GRM5: variants seen among roughly 807,000 people sequenced by gnomAD.
GRM5 encodes metabotropic glutamate receptor 5.
In GRM5, 19 loss-of-function variants were observed where a neutral mutation model predicts 83.1. The observed-to-expected ratio is 0.23, with a 90% CI of 0.16 to 0.34. GRM5 has a LOEUF of 0.34. Ranked by LOEUF, GRM5 falls within the 10% of genes least tolerant of loss-of-function variation. GRM5 has a pLI of 1.00. For missense variants in GRM5, 1,160 were observed against 1,588.3 expected, an observed-to-expected ratio of 0.73 and a Z score of 4.58; for synonymous variants, 675 against 633.6, an observed-to-expected ratio of 1.07 and a Z score of -0.98.
chr11:88,926,934 A>G (rs1342170624), intron 2 of GRM5, among the ~76,000 whole-genome samples: 1 of 152,180 alleles, frequency 6.6e-6, no homozygotes, highest in Non-Finnish European at 1.5e-5. Flanking sequence ...ATTATATTTC[A>G]ACTATTTAAC....
intron 3 of GRM5, among the ~76,000 whole-genome samples, chr11:88,703,853 C>A (rs1846443): frequency 0.79 from 120,143 of 151,990 alleles, 51,072 homozygotes; most frequent in Non-Finnish European, 0.96. Flanking sequence ...ATTCATGTGC[C>A]TCAACCTCAT....
At chr11:88,510,028 A>T (rs1445161929) in intron 9 of GRM5, among the ~76,000 whole-genome samples, 2 of 152,184 alleles carry the variant, frequency 1.3e-5, no homozygotes. Flanking sequence ...TTCCGCCTTT[A>T]TTCTGGAAGT....
intron 3 of GRM5, among the ~76,000 whole-genome samples, chr11:88,712,286 G>T (rs1179158234): frequency 6.6e-6 from 1 of 151,910 alleles, no homozygotes; most frequent in Non-Finnish European, 1.5e-5. Context: ...TTCTGAAGTA[G>T]CCCCGTCTCC....
chr11:88,795,251 G>A (rs1017074214), intron 3 of GRM5, among the ~76,000 whole-genome samples: 1 of 152,200 alleles, frequency 6.6e-6, no homozygotes, highest in African/African-American at 2.4e-5. Context: ...CAGGCAACTT[G>A]GCCAAAGTTG....
intron 3 of GRM5, among the ~76,000 whole-genome samples, chr11:88,764,392 C>T (rs1055219897): frequency 6.6e-6 from 1 of 151,576 alleles, no homozygotes; most frequent in African/African-American, 2.4e-5. Context: ...CCAAACAACA[C>T]AACATAGACA....
At chr11:89,060,268 A>G (rs973777217) in intron 1 of GRM5, among the ~76,000 whole-genome samples, 2 of 25,250 alleles carry the variant, frequency 7.9e-5, no homozygotes, top group African/African-American at 1.7e-4. Flanking sequence ...GGTAAATGGT[A>G]TATATATATA....
rs1174580946 is a variant in GRM5, at chr11:88,504,844, C to T, written c.*3748G>A. 1 of 152,070 alleles carries T rather than the reference C, an allele frequency of 6.6e-6. No homozygotes were observed. Among genetic ancestry groups the T allele is most frequent in the Non-Finnish European group, 1.5e-5 (1 of 67,980 alleles). The allele number at this position is 152,070 out of a possible 1,614,324, so 9.4% of individuals were successfully genotyped here. On this transcript the variant is annotated 3_prime_UTR_variant, in exon 10 of 10. Transcript: ENST00000305447. ...AACAGAGAAAGAACAGATACACGCA[C>T]ACAATTTTAAAACCAAATCAGTTAT...
In GRM5 at chr11:88,998,100, C is replaced by T. The variant is rs1365692597; in HGVS notation, c.661+49112G>A. ...ATAGTAAAGAGAGAGAGAGGAGAAG[C>T]GAGCAGTAAAGAAGGAAGGAAGGAA... On this transcript the variant is annotated intron_variant, in intron 2 of 9. Coordinates refer to ENST00000305447, the MANE Select transcript of GRM5 (RefSeq NM_001143831.3). Among the ~76,000 whole-genome samples the T allele has an allele frequency of 5.5e-5, 8 of 145,530 alleles. No homozygotes were observed. In the East Asian group the frequency reaches 8.0e-4, roughly 15 times the overall value.
intron 3 of GRM5, among the ~76,000 whole-genome samples, chr11:88,838,574 C>G (rs1214028611): frequency 6.6e-6 from 1 of 152,112 alleles, no homozygotes; most frequent in African/African-American, 2.4e-5. Flanking sequence ...TCCATGACTT[C>G]TTGCTGGTAT....
At chr11:88,845,423 C>CTTTTTTTTTTTTTTTTTTTTTTTTTTT (rs71046265) in intron 3 of GRM5, among the ~76,000 whole-genome samples, 3 of 92,446 alleles carry the variant, frequency 3.2e-5, no homozygotes, top group African/African-American at 1.4e-4. Context: ...ATAAACATAA[C>CTTTTTTTTTTTTTTTTTTTTTTTTTTT]TTTTTTTTTT....
chr11:88,858,391 G>T (rs1565264361), intron 2 of GRM5, among the ~76,000 whole-genome samples: 1 of 151,948 alleles, frequency 6.6e-6, no homozygotes, highest in Non-Finnish European at 1.5e-5. Context: ...ACTAACCAGG[G>T]CTACTGAATA....
chr11:88,704,711 G>T (rs1941114663), intron 3 of GRM5, among the ~76,000 whole-genome samples: 1 of 152,004 alleles, frequency 6.6e-6, no homozygotes, highest in Non-Finnish European at 1.5e-5. Flanking sequence ...GCTGTCCTTG[G>T]TGCTGAGGAT....
At chr11:88,531,377 T>A (rs1942003852) in intron 8 of GRM5, among the ~76,000 whole-genome samples, 1 of 152,032 alleles carries the variant, frequency 6.6e-6, no homozygotes, top group Admixed American at 6.5e-5. Flanking sequence ...TCTATATGGT[T>A]TGGAAGGGAA....
intron 2 of GRM5, among the ~76,000 whole-genome samples, chr11:88,982,363 A>G (rs1312552685): frequency 6.6e-6 from 1 of 152,204 alleles, no homozygotes; most frequent in Admixed American, 6.5e-5. Context: ...TTTAGCTTAC[A>G]TAAGTCTCAA....
chr11:88,659,479 C>A (rs1424756585), intron 3 of GRM5, among the ~76,000 whole-genome samples: 1 of 152,026 alleles, frequency 6.6e-6, no homozygotes, highest in Non-Finnish European at 1.5e-5. Flanking sequence ...GTTTGCTGTG[C>A]AATAGCTGTT....
chr11:89,051,546 C>T (rs1000686608), intron 1 of GRM5, among the ~76,000 whole-genome samples: 2 of 151,712 alleles, frequency 1.3e-5, no homozygotes, highest in Non-Finnish European at 1.5e-5. Flanking sequence ...CCCGTCTCTA[C>T]CAAAAAGAGA....
intron 2 of GRM5, among the ~76,000 whole-genome samples, chr11:88,981,725 T>C (rs1418588914): frequency 2.0e-5 from 3 of 152,232 alleles, no homozygotes; most frequent in South Asian, 2.1e-4. Flanking sequence ...TCAGGAGTCA[T>C]TGAACTGAAG....
At chr11:88,610,932 A>G (rs1193084592) in intron 4 of GRM5, among the ~76,000 whole-genome samples, 1 of 152,016 alleles carries the variant, frequency 6.6e-6, no homozygotes, top group African/African-American at 2.4e-5. Context: ...ACATGAAGGG[A>G]TATTGAATTT....
At chr11:88,737,440 T>A (rs1188562346) in intron 3 of GRM5, among the ~76,000 whole-genome samples, 1 of 152,088 alleles carries the variant, frequency 6.6e-6, no homozygotes, top group Non-Finnish European at 1.5e-5. Flanking sequence ...CAGGACTGTA[T>A]AACATGTATT....
Sources: allele counts gnomAD v4.1 joint callset (sites outside exome capture counted in the v4.1 genomes callset), GRCh38; gene constraint gnomAD v4.1.1; transcripts MANE v1.5; gene names NCBI Gene and HGNC (gene_info 2026-07-23, HGNC 2026-07-21).